Variants in NTM observed in about 807,000 individuals in gnomAD.
NTM encodes the protein IgLON family member 2.
Under a neutral mutation model 42.1 loss-of-function variants are expected in NTM, and 13 were observed. The observed-to-expected ratio is 0.31, with a 90% confidence interval of 0.20 to 0.49. The LOEUF (loss-of-function observed/expected upper bound fraction) is 0.49. NTM is among the 20% of genes least tolerant of loss of function. NTM has a pLI of 0.99. For missense variants in NTM, 373 were observed against 452.8 expected (o/e 0.82, Z 1.60); for synonymous variants, 187 against 179.2 (o/e 1.04, Z -0.35).
chr11:132,123,448 AAC>A (rs1279923621), intron 2 of NTM, among the ~76,000 whole-genome samples: 7 of 152,190 alleles, frequency 4.6e-5, no homozygotes, highest in Non-Finnish European at 8.8e-5. Flanking sequence ...AACAATTAAT[AAC>A]AGTGTCAGTT....
At chr11:131,407,751 C>T (rs922700001) in intron 1 of NTM, among the ~76,000 whole-genome samples, 1 of 152,212 alleles carries the variant, frequency 6.6e-6, no homozygotes, top group Non-Finnish European at 1.5e-5. Context: ...GGTTTCCTGG[C>T]TTTGCAGCTG....
At chr11:131,412,132 T>C (rs1032010016) in intron 1 of NTM, among the ~76,000 whole-genome samples, 4 of 152,180 alleles carry the variant, frequency 2.6e-5, no homozygotes, top group Non-Finnish European at 2.9e-5. Flanking sequence ...CTATACATTT[T>C]CCTCACCCTT....
chr11:131,709,205 T>A (rs2076875482), intron 1 of NTM, among the ~76,000 whole-genome samples: 1 of 152,014 alleles, frequency 6.6e-6, no homozygotes, highest in African/African-American at 2.4e-5. Flanking sequence ...GGTAACTACC[T>A]AAGTGTGGGG....
chr11:131,810,209 C>G (rs1157372089), intron 1 of NTM, among the ~76,000 whole-genome samples: 2 of 152,270 alleles, frequency 1.3e-5, no homozygotes, highest in East Asian at 3.9e-4. Flanking sequence ...CTTTCTCCTC[C>G]ACCTCCTCCT....
intron 1 of NTM, among the ~76,000 whole-genome samples, chr11:131,829,153 C>A (rs915966481): frequency 6.8e-6 from 1 of 146,956 alleles, no homozygotes; most frequent in African/African-American, 2.6e-5. Flanking sequence ...TCAGAGAAAA[C>A]ATTTTTTCTG....
intron 1 of NTM, among the ~76,000 whole-genome samples, chr11:131,579,971 G>A (rs761065011): frequency 1.1e-4 from 16 of 152,102 alleles, no homozygotes; most frequent in South Asian, 4.1e-4. Flanking sequence ...TGCCATCTTC[G>A]CAGTCATTCC....
chr11:132,215,862 C>G (rs1053737122), intron 4 of NTM, among the ~76,000 whole-genome samples: 3 of 152,196 alleles, frequency 2.0e-5, no homozygotes, highest in African/African-American at 4.8e-5. Flanking sequence ...GAGCCCCCAT[C>G]TCACTCCTCT....
chr11:131,392,302 G>A (rs1313273089), intron 1 of NTM, among the ~76,000 whole-genome samples: 1 of 148,600 alleles, frequency 6.7e-6, no homozygotes, highest in African/African-American at 2.5e-5. Context: ...CCCCTGAAGG[G>A]ATGGTAGTCC....
intron 2 of NTM, among the ~76,000 whole-genome samples, chr11:131,962,822 T>G (rs12269886): frequency 6.6e-6 from 1 of 151,832 alleles, no homozygotes; most frequent in Non-Finnish European, 1.5e-5. Context: ...CCTCCCTCCT[T>G]CCACCCCAAG....
intron 2 of NTM, among the ~76,000 whole-genome samples, chr11:131,978,673 A>G (rs1469980251): frequency 6.6e-6 from 1 of 152,138 alleles, no homozygotes; most frequent in Non-Finnish European, 1.5e-5. Flanking sequence ...GTGATTCCTA[A>G]TATTAGTTCC....
intron 1 of NTM, among the ~76,000 whole-genome samples, chr11:131,760,201 T>A (rs2083926673): frequency 6.6e-6 from 1 of 152,144 alleles, no homozygotes; most frequent in Admixed American, 6.5e-5. Context: ...AGGGAGAAGG[T>A]TCTATGGGAG....
chr11:131,671,707 G>A (rs1274064277), intron 1 of NTM: 2 of 654,134 alleles, frequency 3.1e-6, no homozygotes, highest in Non-Finnish European at 3.8e-6. Context: ...CCACTGGAGA[G>A]TGACAAAGCG....
At chr11:132,212,168 A>T (rs200304498) in intron 4 of NTM, 21 bp downstream of exon 4, 1 of 1,605,266 alleles carries the variant, frequency 6.2e-7, no homozygotes, top group African/African-American at 1.3e-5. Context: ...AGTTTGTTGC[A>T]TTGCATCATG....
intron 2 of NTM, among the ~76,000 whole-genome samples, chr11:132,039,204 C>T (rs995785080): frequency 1.3e-5 from 2 of 152,140 alleles, no homozygotes; most frequent in Non-Finnish European, 2.9e-5. Context: ...GCAGTTGGCC[C>T]CACTCCCACT....
intron 1 of NTM, among the ~76,000 whole-genome samples, chr11:131,412,240 CTCA>C (rs1195918918): frequency 6.6e-6 from 1 of 152,082 alleles, no homozygotes; most frequent in Non-Finnish European, 1.5e-5. Context: ...CCTGTAAGTT[CTCA>C]TCATGAAACA....
intron 1 of NTM, among the ~76,000 whole-genome samples, chr11:131,449,791 C>G (rs538981594): frequency 1.3e-5 from 2 of 152,186 alleles, no homozygotes; most frequent in South Asian, 2.1e-4. Flanking sequence ...CAGCTCATGT[C>G]CCACCTGTGC....
At chr11:131,565,608 T>C (rs996360617) in intron 1 of NTM, among the ~76,000 whole-genome samples, 4 of 152,238 alleles carry the variant, frequency 2.6e-5, no homozygotes, top group African/African-American at 7.2e-5. Context: ...TCAATAAATA[T>C]TGGATGCATA....
chr11:131,517,947 G>C (rs536752273), intron 1 of NTM, among the ~76,000 whole-genome samples: 1 of 152,166 alleles, frequency 6.6e-6, no homozygotes, highest in African/African-American at 2.4e-5. Context: ...TCATTTACAT[G>C]GAATGCACAG....
intron 2 of NTM, among the ~76,000 whole-genome samples, chr11:131,989,524 T>C (rs1043551424): frequency 6.6e-6 from 1 of 152,180 alleles, no homozygotes; most frequent in Non-Finnish European, 1.5e-5. Flanking sequence ...GCCTAATAAC[T>C]ATGGGCTTTT....
Sources: allele counts gnomAD v4.1 joint callset (sites outside exome capture counted in the v4.1 genomes callset), GRCh38; gene constraint gnomAD v4.1.1; transcripts MANE v1.5; gene names NCBI Gene and HGNC (gene_info 2026-07-23, HGNC 2026-07-21).